ITPR2: variants seen among roughly 807,000 people sequenced by gnomAD.
ITPR2 encodes inositol 1,4,5-trisphosphate-gated calcium channel ITPR2.
A neutral mutation model predicts 317.1 loss-of-function variants in ITPR2; 207 were observed. The observed-to-expected ratio is 0.65, with a 90% CI of 0.58 to 0.73. The LOEUF is 0.73. Among genes scored for constraint, ITPR2 ranks in the 30% least tolerant of loss-of-function variants. ITPR2 has a pLI of 0.00. For missense variants in ITPR2, 2,613 were observed against 3,284.0 expected (o/e 0.80, Z 4.99); for synonymous variants, 1,156 against 1,149.1 (o/e 1.01, Z -0.12).
intron 55 of ITPR2, among the ~76,000 whole-genome samples, chr12:26,380,289 CA>C (rs1348640917): frequency 6.6e-6 from 1 of 152,034 alleles, no homozygotes; most frequent in Non-Finnish European, 1.5e-5. Flanking sequence ...AACATCTGTG[CA>C]AAAATGAGGT....
chr12:26,679,019 T>C (rs11832277), intron 13 of ITPR2, among the ~76,000 whole-genome samples: 1,721 of 152,242 alleles, frequency 0.011, 41 homozygotes, highest in African/African-American at 0.039. Flanking sequence ...AACAAAGAAA[T>C]AGATTCACAA....
At chr12:26,781,125 A>G (rs1387483232) in intron 2 of ITPR2, among the ~76,000 whole-genome samples, 1 of 152,222 alleles carries the variant, frequency 6.6e-6, no homozygotes, top group East Asian at 1.9e-4. Flanking sequence ...AAACAGCCCA[A>G]TCCCGGCAGG....
intron 37 of ITPR2, among the ~76,000 whole-genome samples, chr12:26,526,642 T>C (rs1281699125): frequency 6.6e-6 from 1 of 151,930 alleles, no homozygotes; most frequent in Non-Finnish European, 1.5e-5. Flanking sequence ...AAAAAAAAGA[T>C]TGGAGGTTAC....
At chr12:26,622,217 C>A (rs1333453532) in intron 25 of ITPR2, 23 bp downstream of exon 25, 1 of 1,591,336 alleles carries the variant, frequency 6.3e-7, no homozygotes, top group Non-Finnish European at 8.5e-7. Flanking sequence ...GCTGTGGATG[C>A]ATTGAGGGCT....
intron 2 of ITPR2, 116 bp from the exon 3 acceptor site, chr12:26,725,881 G>A: frequency 1.5e-6 from 1 of 651,808 alleles, no homozygotes; most frequent in Non-Finnish European, 2.7e-6. Flanking sequence ...ACAGTTAAAA[G>A]TCATATAGTC....
At chr12:26,830,898 C>T (rs1395471661) in intron 1 of ITPR2, among the ~76,000 whole-genome samples, 1 of 152,196 alleles carries the variant, frequency 6.6e-6, no homozygotes, top group East Asian at 1.9e-4. Flanking sequence ...TCTTCCTCAC[C>T]ACAACCCTAT....
rs147501426 is a variant in ITPR2 at position 26,779,293 on chromosome 12, T to C, written c.163+10864A>G. On this transcript the variant is annotated intron_variant, in intron 2 of 56. Coordinates refer to ENST00000381340, the MANE Select transcript of ITPR2 (RefSeq NM_002223.4). ...GGAGAGACAGCTCTTGGTCTGGTACTGGGCTTTGGTGGAAACTGAACATTT... is the reference window on the plus strand; with the variant it reads ...GGAGAGACAGCTCTTGGTCTGGTACCGGGCTTTGGTGGAAACTGAACATTT... Among the ~76,000 whole-genome samples, 24 of 152,316 alleles carry C rather than the reference T, an allele frequency of 1.6e-4. No homozygotes were observed. In the East Asian group the frequency reaches 4.4e-3, roughly 28 times the overall value.
At chr12:26,753,941 C>T (rs983517031) in intron 2 of ITPR2, among the ~76,000 whole-genome samples, 1 of 151,998 alleles carries the variant, frequency 6.6e-6, no homozygotes, top group African/African-American at 2.4e-5. Flanking sequence ...ACAATGGCAG[C>T]CTAGGTTCAG....
At chr12:26,676,825 T>C (rs1947919081) in intron 13 of ITPR2, among the ~76,000 whole-genome samples, 2 of 152,106 alleles carry the variant, frequency 1.3e-5, no homozygotes, top group Admixed American at 1.3e-4. Context: ...GAACAAAATT[T>C]ATCAGTAAAA....
At chr12:26,654,152 G>C (rs751467917) in intron 20 of ITPR2, 26 bp from the exon 21 acceptor site, 3 of 1,517,222 alleles carry the variant, frequency 2.0e-6, no homozygotes, top group African/African-American at 1.4e-5. Flanking sequence ...AAAGCGGGGA[G>C]GGGGAGGGTG....
chr12:26,812,446 G>T (rs534331241), intron 1 of ITPR2, among the ~76,000 whole-genome samples: 13 of 152,008 alleles, frequency 8.6e-5, no homozygotes, highest in African/African-American at 3.1e-4. Context: ...GGGCGTGGTG[G>T]CAGGCGCCTG....
intron 2 of ITPR2, among the ~76,000 whole-genome samples, chr12:26,745,556 A>C (rs1949307234): frequency 6.6e-6 from 1 of 152,258 alleles, no homozygotes; most frequent in South Asian, 2.1e-4. Context: ...CCTTCCTTAG[A>C]ATCACAGCCT....
intron 45 of ITPR2, among the ~76,000 whole-genome samples, chr12:26,444,478 T>C (rs956958552): frequency 1.3e-5 from 2 of 152,144 alleles, no homozygotes; most frequent in African/African-American, 4.8e-5. Context: ...GCACAATGCC[T>C]GCCTCCAACT....
At chr12:26,523,227 T>TA (rs566286936) in intron 37 of ITPR2, among the ~76,000 whole-genome samples, 68 of 152,278 alleles carry the variant, frequency 4.5e-4, no homozygotes, top group Non-Finnish European at 7.6e-4. Flanking sequence ...TCTCTTTTCG[T>TA]AAAAAGATAA....
chr12:26,608,493 A>T (rs569385374), intron 26 of ITPR2, among the ~76,000 whole-genome samples: 1 of 130,910 alleles, frequency 7.6e-6, no homozygotes, highest in Non-Finnish European at 1.8e-5. Flanking sequence ...GCCGCCCCAC[A>T]GTCTGTGAAG....
intron 1 of ITPR2, among the ~76,000 whole-genome samples, chr12:26,822,867 G>C (rs975067587): frequency 4.6e-5 from 7 of 152,150 alleles, no homozygotes; most frequent in African/African-American, 1.7e-4. Context: ...TAGGTTCTCA[G>C]ATTATTTCTT....
intron 45 of ITPR2, among the ~76,000 whole-genome samples, chr12:26,445,908 G>A (rs1941600917): frequency 6.6e-6 from 1 of 152,056 alleles, no homozygotes; most frequent in African/African-American, 2.4e-5. Context: ...GTTTTGAAAG[G>A]GACTATTCAC....
intron 13 of ITPR2, among the ~76,000 whole-genome samples, chr12:26,678,077 G>A (rs1846081474): frequency 6.6e-6 from 1 of 152,178 alleles, no homozygotes; most frequent in Admixed American, 6.5e-5. Context: ...CAGGAGTTCA[G>A]TAATACTGAA....
intron 55 of ITPR2, among the ~76,000 whole-genome samples, chr12:26,379,836 T>C (rs1488894140): frequency 6.6e-6 from 1 of 152,196 alleles, no homozygotes; most frequent in Non-Finnish European, 1.5e-5. Flanking sequence ...TAAATGGAAA[T>C]CCTAAGAAAT....
Sources: allele counts gnomAD v4.1 joint callset (sites outside exome capture counted in the v4.1 genomes callset), GRCh38; gene constraint gnomAD v4.1.1; transcripts MANE v1.5; gene names NCBI Gene and HGNC (gene_info 2026-07-23, HGNC 2026-07-21).